RIMS1: variants seen among roughly 807,000 people sequenced by gnomAD.
RIMS1 encodes regulating synaptic membrane exocytosis protein 1.
In RIMS1, 83 loss-of-function variants were observed where a neutral mutation model predicts 214.1. That is an observed-to-expected ratio of 0.39 (90% CI 0.32 to 0.47). The LOEUF is 0.47. RIMS1 is among the 20% of genes least tolerant of loss of function. RIMS1 has a pLI of 0.99. For missense variants in RIMS1, 2,050 were observed against 2,161.8 expected, an observed-to-expected ratio of 0.95 and a Z score of 1.03; for synonymous variants, 793 against 786.8, an observed-to-expected ratio of 1.01 and a Z score of -0.13.
At position 72,182,964 on chromosome 6, in the gene RIMS1, A is replaced by C. The variant is rs1339563983; in HGVS notation, c.1493A>C (p.Asn498Thr). Residue 498 changes from asparagine (N) to threonine (T), a missense_variant, in exon 6 of 34, where the codon AAC (asparagine) becomes ACC (threonine). Physicochemically the swap from Asn to Thr is moderately conservative, Grantham distance 65. Transcript: ENST00000521978. ...KREKVETMLR[N>T]DSLSSDQSES... ...GAGAAGGTGGAGACCATGCTGCGGA[A>C]CGACTCTTTGAGCTCAGACCAGTCC... 1.3e-6 allele frequency: 2 copies of C among 1,593,782 alleles called. No individual in the cohort carries two copies. The highest frequency in any genetic ancestry group is 1.7e-6 in the Non-Finnish European group (2 of 1,171,292).
chr6:72,162,216 C>CT, intron 4 of RIMS1, among the ~76,000 whole-genome samples: 1 of 140,112 alleles, frequency 7.1e-6, no homozygotes, highest in Admixed American at 7.3e-5. Flanking sequence ...CAACCCCTGC[C>CT]TTTTTTTGTT....
intron 4 of RIMS1, among the ~76,000 whole-genome samples, chr6:72,139,508 A>C (rs1243307463): frequency 6.6e-6 from 1 of 152,146 alleles, no homozygotes; most frequent in Admixed American, 6.5e-5. Flanking sequence ...ACTACCTAAC[A>C]TAGTATATAT....
At position 72,253,705 on chromosome 6, in the gene RIMS1, A is replaced by G. The variant is rs1441396818; in HGVS notation, c.2770+873A>G. ...AATTTCTCAGATGGCAGTGTACTTA[A>G]TTTGAGGGCAATGGTTTTGCTCAAA... On this transcript the variant is annotated intron_variant, in intron 16 of 33. Coordinates refer to ENST00000521978, the MANE Select transcript of RIMS1 (RefSeq NM_014989.7). Among the ~76,000 whole-genome samples, 7 of 152,228 alleles carry G rather than the reference A, an allele frequency of 4.6e-5. No homozygotes were observed. The East Asian group carries it at 1.3e-3, about 29-fold the overall frequency.
chr6:72,125,716 G>A (rs1183470625), intron 4 of RIMS1, among the ~76,000 whole-genome samples: 1 of 152,182 alleles, frequency 6.6e-6, no homozygotes, highest in Admixed American at 6.5e-5. Flanking sequence ...CCCCAGCCCA[G>A]GCTGCCACCT....
At chr6:72,378,101 C>T (rs1435706187) in intron 29 of RIMS1, among the ~76,000 whole-genome samples, 6 of 152,230 alleles carry the variant, frequency 3.9e-5, no homozygotes, top group Admixed American at 3.9e-4. Context: ...CCTTATCACC[C>T]TACCATTTAG....
intron 29 of RIMS1, among the ~76,000 whole-genome samples, chr6:72,376,648 A>G (rs2098389022): frequency 6.6e-6 from 1 of 151,896 alleles, no homozygotes; most frequent in African/African-American, 2.4e-5. Context: ...TTGGGAGACT[A>G]AGGTGGAAGG....
At position 72,087,374 on chromosome 6, in the gene RIMS1, A is replaced by G. The variant is rs116236954; in HGVS notation, c.246-9575A>G. 8.8e-3 allele frequency among the ~76,000 whole-genome samples: 1,339 copies of G among 152,348 alleles called. 22 individuals carry two copies. Among genetic ancestry groups the G allele is most frequent in the African/African-American group, 0.031 (1,292 of 41,584 alleles). ...TAAGATTAGGAAACAAAAGGAAGTT[A>G]GAAGAATTCAATTTAGGACTGTAAG... On this transcript the variant is annotated intron_variant, in intron 2 of 33. Coordinates refer to ENST00000521978, the MANE Select transcript of RIMS1 (RefSeq NM_014989.7).
At chr6:72,380,052 G>A (rs2098458882) in intron 29 of RIMS1, among the ~76,000 whole-genome samples, 1 of 152,158 alleles carries the variant, frequency 6.6e-6, no homozygotes, top group South Asian at 2.1e-4. Context: ...TATACACCAT[G>A]GAATACTTGC....
At chr6:72,221,127 A>G (rs112857862) in intron 6 of RIMS1, among the ~76,000 whole-genome samples, 2,763 of 152,112 alleles carry the variant, frequency 0.018, 26 homozygotes, top group African/African-American at 0.027. Context: ...TTTAAACGTA[A>G]TATCTTTATT....
chr6:72,245,964 T>C, intron 11 of RIMS1, 103 bp downstream of exon 11: 1 of 793,318 alleles, frequency 1.3e-6, no homozygotes, highest in East Asian at 2.7e-5. Context: ...GGGGTTACTA[T>C]ACTAAAGATG....
chr6:72,032,740 G>T lies in RIMS1; in HGVS notation c.245+63677G>T, dbSNP rs182564162. Among the ~76,000 whole-genome samples, 5 of 152,274 alleles carry T rather than the reference G, an allele frequency of 3.3e-5. No individual in the cohort carries two copies. In the East Asian group the frequency reaches 9.7e-4, roughly 29 times the overall value. On this transcript the variant is annotated intron_variant, in intron 2 of 33. Transcript: ENST00000521978. ...GTATGTAAAATTCTATGATCTATATGTCTGATTATTTCTACCCTCTATCTC... is the reference window on the plus strand; with the variant it reads ...GTATGTAAAATTCTATGATCTATATTTCTGATTATTTCTACCCTCTATCTC...
At chr6:72,361,678 A>G (rs955144154) in intron 29 of RIMS1, among the ~76,000 whole-genome samples, 2 of 152,214 alleles carry the variant, frequency 1.3e-5, no homozygotes, top group Non-Finnish European at 2.9e-5. Context: ...CTAAGAGAGA[A>G]CTTATTTTCT....
chr6:71,922,969 T>TAA (rs112821612), intron 1 of RIMS1, among the ~76,000 whole-genome samples: 5 of 151,962 alleles, frequency 3.3e-5, no homozygotes, highest in African/African-American at 1.2e-4. Flanking sequence ...AACGATAGCT[T>TAA]AAAAAAAATT....
At chr6:72,311,128 T>G (rs1465496073) in intron 27 of RIMS1, among the ~76,000 whole-genome samples, 2 of 152,156 alleles carry the variant, frequency 1.3e-5, no homozygotes, top group African/African-American at 4.8e-5. Flanking sequence ...AGGGGAGCAT[T>G]TGCTCTGGGT....
intron 6 of RIMS1, among the ~76,000 whole-genome samples, chr6:72,230,795 TA>T (rs1562830374): frequency 6.6e-6 from 1 of 151,566 alleles, no homozygotes; most frequent in Non-Finnish European, 1.5e-5. Flanking sequence ...AGGGATAGTA[TA>T]AAAATTTTAA....
At chr6:72,235,514 A>G in intron 7 of RIMS1, 104 bp from the exon 8 acceptor site, 1 of 698,438 alleles carries the variant, frequency 1.4e-6, no homozygotes, top group Non-Finnish European at 2.5e-6. Context: ...AATGTTCTGC[A>G]GTTCTATCCA....
chr6:72,349,361 AATAATTATACT>A (rs1453746175), intron 29 of RIMS1, among the ~76,000 whole-genome samples: 1 of 152,052 alleles, frequency 6.6e-6, no homozygotes, highest in Non-Finnish European at 1.5e-5. Context: ...TCAAATAGTA[AATAATTATACT>A]ACATTTAGGA....
intron 9 of RIMS1, among the ~76,000 whole-genome samples, chr6:72,241,604 T>G (rs946581907): frequency 2.6e-5 from 4 of 152,202 alleles, no homozygotes; most frequent in Non-Finnish European, 4.4e-5. Flanking sequence ...TTTGGTTATT[T>G]TAAAGTGTGT....
At chr6:72,250,773 A>G (rs1434077748) in intron 13 of RIMS1, 148 bp from the exon 14 acceptor site, 1 of 568,728 alleles carries the variant, frequency 1.8e-6, no homozygotes, top group African/African-American at 1.9e-5. Flanking sequence ...CTGAAGTTAG[A>G]ATATTATTAA....
Sources: allele counts gnomAD v4.1 joint callset (sites outside exome capture counted in the v4.1 genomes callset), GRCh38; gene constraint gnomAD v4.1.1; transcripts MANE v1.5; gene names NCBI Gene and HGNC (gene_info 2026-07-23, HGNC 2026-07-21).